Variants in CADM2 observed in about 807,000 individuals in gnomAD.
CADM2 encodes cell adhesion molecule 2, also known as immunoglobulin superfamily member 4D.
In CADM2, 12 loss-of-function variants were observed where a neutral mutation model predicts 49.8. The observed-to-expected ratio is 0.24, with a 90% confidence interval of 0.15 to 0.39. The LOEUF (loss-of-function observed/expected upper bound fraction) is 0.39. Ranked by LOEUF, CADM2 falls within the 10% of genes least tolerant of loss-of-function variation. CADM2 has a pLI of 1.00. For synonymous variants in CADM2, 214 were observed against 175.4 expected (o/e 1.22, Z -1.74); for missense variants, 378 against 492.3 (o/e 0.77, Z 2.20).
intron 1 of CADM2, among the ~76,000 whole-genome samples, chr3:85,111,214 T>C (rs958282510): frequency 1.3e-5 from 2 of 151,918 alleles, no homozygotes; most frequent in Non-Finnish European, 2.9e-5. Context: ...TTTCTTATAT[T>C]ATCTGTCATG....
intron 1 of CADM2, among the ~76,000 whole-genome samples, chr3:85,253,938 G>T (rs1051816382): frequency 6.6e-6 from 1 of 152,086 alleles, no homozygotes; most frequent in Non-Finnish European, 1.5e-5. Context: ...GGGAACACCA[G>T]CTGGTTGTCT....
At chr3:85,604,783 A>G (rs2063503026) in intron 1 of CADM2, among the ~76,000 whole-genome samples, 2 of 152,022 alleles carry the variant, frequency 1.3e-5, no homozygotes, top group Non-Finnish European at 2.9e-5. Flanking sequence ...AATTCAATCC[A>G]TCACTGCTGG....
chr3:85,466,626 G>A (rs62250714), intron 1 of CADM2, among the ~76,000 whole-genome samples: 80,290 of 151,966 alleles, frequency 0.53, 23,575 homozygotes, highest in East Asian at 0.83. Flanking sequence ...ATGAAATCAT[G>A]TCAGATTAAT....
chr3:85,644,847 T>G (rs758709594), intron 1 of CADM2, among the ~76,000 whole-genome samples: 5 of 152,164 alleles, frequency 3.3e-5, no homozygotes, highest in Non-Finnish European at 7.4e-5. Flanking sequence ...CTGTCAGCTA[T>G]TTGTTAAGTG....
intron 1 of CADM2, among the ~76,000 whole-genome samples, chr3:85,614,406 ACTT>A (rs2063749187): frequency 1.3e-5 from 2 of 151,790 alleles, no homozygotes; most frequent in Admixed American, 1.3e-4. Flanking sequence ...AAATAAGTAA[ACTT>A]CATTTGCAGA....
At chr3:85,694,674 C>A (rs2066495085) in intron 1 of CADM2, among the ~76,000 whole-genome samples, 1 of 152,106 alleles carries the variant, frequency 6.6e-6, no homozygotes, top group Non-Finnish European at 1.5e-5. Flanking sequence ...ATTTATTGAA[C>A]ACCATCTATA....
At chr3:85,481,104 A>G (rs2039190810) in intron 1 of CADM2, among the ~76,000 whole-genome samples, 1 of 151,356 alleles carries the variant, frequency 6.6e-6, no homozygotes, top group Admixed American at 6.6e-5. Flanking sequence ...AAACATAACA[A>G]TGTTTTCAAT....
intron 1 of CADM2, among the ~76,000 whole-genome samples, chr3:85,386,527 G>A (rs974836182): frequency 1.3e-5 from 2 of 152,128 alleles, no homozygotes; most frequent in Non-Finnish European, 2.9e-5. Flanking sequence ...TTGTCCATGT[G>A]GGATGCTTGC....
intron 1 of CADM2, among the ~76,000 whole-genome samples, chr3:85,107,655 CT>C (rs1160737504): frequency 3.5e-4 from 48 of 136,854 alleles, no homozygotes; most frequent in African/African-American, 1.2e-3. Context: ...TTCTTTCTTT[CT>C]TTTTTTCCTT....
intron 1 of CADM2, among the ~76,000 whole-genome samples, chr3:85,179,551 C>G (rs560103159): frequency 1.3e-4 from 20 of 151,822 alleles, no homozygotes; most frequent in African/African-American, 4.8e-4. Flanking sequence ...TCTACATTAT[C>G]TCTTTTCTCT....
At chr3:85,336,662 G>A (rs1407975369) in intron 1 of CADM2, among the ~76,000 whole-genome samples, 1 of 150,628 alleles carries the variant, frequency 6.6e-6, no homozygotes, top group African/African-American at 2.4e-5. Context: ...TGTTCAGCAA[G>A]TAAATATTAT....
At chr3:85,238,635 T>C (rs1160630646) in intron 1 of CADM2, among the ~76,000 whole-genome samples, 3 of 152,052 alleles carry the variant, frequency 2.0e-5, no homozygotes, top group East Asian at 3.9e-4. Flanking sequence ...TTTGTTCTGA[T>C]GAAGTAATTC....
rs371246079 is a variant in CADM2 at position 85,914,188 on chromosome 3, A to G, written c.700+1645A>G. On this transcript the variant is annotated intron_variant, in intron 6 of 9. Transcript: ENST00000383699. The stretch of plus-strand genomic sequence containing the variant: ...AATTTACTGCTATTCTCCTTGAAGC[A>G]AATTCAGAAAGAAGCATACTTCAGA... Among the ~76,000 whole-genome samples, 6 of 152,294 alleles carry G rather than the reference A, an allele frequency of 3.9e-5. No homozygotes were observed. The East Asian group carries it at 1.2e-3, about 29-fold the overall frequency.
rs758842388 is a variant in CADM2, at chr3:85,762,594, CCTCTCTCTCT to C, written c.88+36065_88+36074del. On this transcript the variant is annotated intron_variant, in intron 2 of 9. Coordinates refer to ENST00000383699, the MANE Select transcript of CADM2 (RefSeq NM_001167675.2). ...TTACAGCGTGAGCCACTGCACTACT[CCTCTCTCTCT>C]CTCTCTCTCTCTCTCTCTGTCTCTG... 3.2e-4 allele frequency among the ~76,000 whole-genome samples: 16 copies of C among 50,416 alleles called. No homozygotes were observed. In the Admixed American group the frequency reaches 3.2e-3, roughly 10 times the overall value. The allele number at this position is 50,416 out of a possible 152,430, so 33.1% of individuals were successfully genotyped here.
chr3:86,041,728 G>A (rs1190202116), intron 8 of CADM2, among the ~76,000 whole-genome samples: 3 of 152,224 alleles, frequency 2.0e-5, no homozygotes, highest in Admixed American at 1.3e-4. Context: ...GCACCAAGGG[G>A]ACATAATAGA....
At chr3:85,084,491 G>T (rs577920060) in intron 1 of CADM2, among the ~76,000 whole-genome samples, 1 of 152,200 alleles carries the variant, frequency 6.6e-6, no homozygotes, top group South Asian at 2.1e-4. Flanking sequence ...CTCCAATATA[G>T]AGTAGCCACT....
At chr3:85,119,520 T>A (rs1482789518) in intron 1 of CADM2, among the ~76,000 whole-genome samples, 1 of 152,166 alleles carries the variant, frequency 6.6e-6, no homozygotes, top group Non-Finnish European at 1.5e-5. Flanking sequence ...GTAGTTTTTT[T>A]TTCTAATTCT....
At chr3:84,962,375 A>G (rs2107042999) in intron 1 of CADM2, among the ~76,000 whole-genome samples, 1 of 151,508 alleles carries the variant, frequency 6.6e-6, no homozygotes, top group East Asian at 1.9e-4. Context: ...ACACTGCTCC[A>G]CAGACACATC....
intron 1 of CADM2, among the ~76,000 whole-genome samples, chr3:85,086,286 C>G (rs1440038424): frequency 1.3e-5 from 2 of 151,850 alleles, no homozygotes; most frequent in Non-Finnish European, 2.9e-5. Flanking sequence ...AAAATTTACT[C>G]TATATTTCAA....
Sources: gnomAD v4.1 joint callset for allele counts (sites outside exome capture counted in the v4.1 genomes callset) on GRCh38, gnomAD v4.1.1 for gene constraint, MANE v1.5 for transcripts, NCBI Gene and HGNC (gene_info 2026-07-23, HGNC 2026-07-21) for gene names.